LPAR1: variants seen among roughly 807,000 people sequenced by gnomAD.
LPAR1 encodes lysophosphatidic acid receptor 1.
In LPAR1, 5 loss-of-function variants were observed where a neutral mutation model predicts 23.8. The observed-to-expected ratio is 0.21, with a 90% CI of 0.11 to 0.44. The LOEUF (loss-of-function observed/expected upper bound fraction) is 0.44. Among genes scored for constraint, LPAR1 ranks in the 20% least tolerant of loss-of-function variants. LPAR1 has a pLI of 0.99. For missense variants in LPAR1, 311 were observed against 482.8 expected, an observed-to-expected ratio of 0.64 and a Z score of 3.33; for synonymous variants, 160 against 164.7, an observed-to-expected ratio of 0.97 and a Z score of 0.22.
At chr9:111,025,730 G>A (rs2097677951) in intron 2 of LPAR1, among the ~76,000 whole-genome samples, 1 of 152,180 alleles carries the variant, frequency 6.6e-6, no homozygotes, top group Non-Finnish European at 1.5e-5. Context: ...TGTATAAGGT[G>A]TAAGGAAGGG....
chr9:110,948,138 T>A (rs1218783554), intron 4 of LPAR1, among the ~76,000 whole-genome samples: 2 of 152,214 alleles, frequency 1.3e-5, no homozygotes, highest in Non-Finnish European at 2.9e-5. Context: ...ACTTTTTAAA[T>A]TCTTATTCTT....
Position 111,032,124 on chromosome 9 carries a change from T to C in LPAR1, c.-182+3998A>G, listed in dbSNP as rs141355594. On this transcript the variant is annotated intron_variant, in intron 2 of 5. Coordinates refer to ENST00000683809, the MANE Select transcript of LPAR1 (RefSeq NM_001351411.2). ...GTAATATAAAGGATTAAGGAACACA[T>C]AGTAAATGAAAACTAGAATTACCAA... 7.9e-5 allele frequency among the ~76,000 whole-genome samples: 12 copies of C among 152,254 alleles called. No individual in the cohort carries two copies. The East Asian group carries it at 2.3e-3, about 29-fold the overall frequency.
At chr9:110,978,874 C>A (rs2138798920) in intron 2 of LPAR1, among the ~76,000 whole-genome samples, 1 of 152,206 alleles carries the variant, frequency 6.6e-6, no homozygotes, top group East Asian at 1.9e-4. Context: ...AAGTTTTTCC[C>A]ACAGAAGTAG....
intron 5 of LPAR1, among the ~76,000 whole-genome samples, chr9:110,894,166 G>A (rs2133404274): frequency 6.6e-6 from 1 of 152,264 alleles, no homozygotes; most frequent in East Asian, 1.9e-4. Context: ...TTAGCGGGGA[G>A]GAAGAAAAAT....
chr9:111,021,135 T>C (rs920971126), intron 2 of LPAR1, among the ~76,000 whole-genome samples: 1 of 152,094 alleles, frequency 6.6e-6, no homozygotes, highest in African/African-American at 2.4e-5. Context: ...AAAAGCTGAG[T>C]TGATGGGGGA....
At chr9:110,974,688 G>A (rs1289428103) in intron 2 of LPAR1, among the ~76,000 whole-genome samples, 1 of 152,182 alleles carries the variant, frequency 6.6e-6, no homozygotes. Flanking sequence ...TTCCACAGCT[G>A]CCCTGTGACA....
chr9:110,934,802 A>G (rs2094588916), intron 5 of LPAR1, among the ~76,000 whole-genome samples: 1 of 151,392 alleles, frequency 6.6e-6, no homozygotes, highest in South Asian at 2.1e-4. Context: ...CTCAGTGAAT[A>G]TAACTGAACA....
rs369572104 is a variant in LPAR1, at chr9:110,955,387, A to C, written c.46-13219T>G. Among the ~76,000 whole-genome samples the C allele has an allele frequency of 7.1e-4, 108 of 152,310 alleles. 1 individual carries two copies. In the South Asian group the frequency reaches 0.015, roughly 21 times the overall value. ...AGGAATCAATCCAGGAAGATGTAAC[A>C]ATTCTAAACATATACACCAAACACA... On this transcript the variant is annotated intron_variant, in intron 4 of 5. Transcript: ENST00000683809.
intron 5 of LPAR1, among the ~76,000 whole-genome samples, chr9:110,923,597 T>G (rs1033841460): frequency 6.6e-6 from 1 of 152,208 alleles, no homozygotes; most frequent in Non-Finnish European, 1.5e-5. Context: ...TACAATATTT[T>G]CAATTTACGA....
intron 2 of LPAR1, among the ~76,000 whole-genome samples, chr9:110,982,701 C>T (rs866333928): frequency 3.3e-5 from 5 of 151,184 alleles, no homozygotes; most frequent in Non-Finnish European, 7.4e-5. Flanking sequence ...TCAACATAAT[C>T]GGCATACTTG....
intron 4 of LPAR1, 68 bp from the exon 5 acceptor site, chr9:110,942,236 A>G (rs1448148176): frequency 1.5e-6 from 2 of 1,373,244 alleles, no homozygotes; most frequent in Non-Finnish European, 1.0e-6. Flanking sequence ...TTATATAGAT[A>G]ACACAAGACT....
intron 5 of LPAR1, among the ~76,000 whole-genome samples, chr9:110,910,373 T>C (rs1447862009): frequency 1.3e-5 from 2 of 152,174 alleles, no homozygotes; most frequent in African/African-American, 4.8e-5. Context: ...TTTAAGCCCA[T>C]TGTTGAGACC....
rs1564207006 is a variant in LPAR1 at position 110,972,059 on chromosome 9, T to C, written c.45+14A>G. ...TACGATTACCTCAGACCTCTGCTAG[T>C]TTGAAGCCCTTACCTGGGGCTGTGA... On this transcript the variant is annotated intron_variant, in intron 4 of 5. Coordinates refer to ENST00000683809, the MANE Select transcript of LPAR1 (RefSeq NM_001351411.2). 1.9e-6 allele frequency: 3 copies of C among 1,612,344 alleles called. No individual in the cohort carries two copies. Among genetic ancestry groups the C allele is most frequent in the Non-Finnish European group, 1.7e-6 (2 of 1,178,450 alleles).
intron 5 of LPAR1, among the ~76,000 whole-genome samples, chr9:110,879,393 G>C (rs894518384): frequency 3.2e-5 from 4 of 124,812 alleles, no homozygotes; most frequent in African/African-American, 1.2e-4. Context: ...ACTCCAGCCT[G>C]AGTGACAGAG....
chr9:110,978,915 G>A (rs940156217), intron 2 of LPAR1, among the ~76,000 whole-genome samples: 1 of 152,178 alleles, frequency 6.6e-6, no homozygotes, highest in African/African-American at 2.4e-5. Flanking sequence ...AAAGGCTGGG[G>A]TGGTTGTGGG....
intron 2 of LPAR1, among the ~76,000 whole-genome samples, chr9:111,008,976 C>T (rs141241143): frequency 1.8e-4 from 27 of 152,130 alleles, no homozygotes; most frequent in African/African-American, 6.0e-4. Context: ...AAAGCACATA[C>T]AGAAACAAGT....
chr9:110,965,795 T>A (rs912014701), intron 4 of LPAR1, among the ~76,000 whole-genome samples: 4 of 152,230 alleles, frequency 2.6e-5, no homozygotes, highest in African/African-American at 9.6e-5. Context: ...GGATTATAAA[T>A]CATTTCTACT....
intron 4 of LPAR1, among the ~76,000 whole-genome samples, chr9:110,969,370 C>T (rs527765639): frequency 3.3e-5 from 5 of 152,152 alleles, no homozygotes; most frequent in Middle Eastern, 3.4e-3. Flanking sequence ...TTCCTCCATA[C>T]GATATCTTGG....
intron 4 of LPAR1, among the ~76,000 whole-genome samples, chr9:110,952,878 T>G (rs936555667): frequency 1.3e-5 from 2 of 152,088 alleles, no homozygotes; most frequent in Admixed American, 1.3e-4. Context: ...TGCTCAAGCA[T>G]GCCATCCAGG....
Sources: allele counts gnomAD v4.1 joint callset (sites outside exome capture counted in the v4.1 genomes callset), GRCh38; gene constraint gnomAD v4.1.1; transcripts MANE v1.5; gene names NCBI Gene and HGNC (gene_info 2026-07-23, HGNC 2026-07-21).